The following NUMB variants were observed in gnomAD, a reference collection of about 807,000 sequenced individuals.
The protein encoded by NUMB is NUMB endocytic adaptor protein, also known as protein numb homolog.
Under a neutral mutation model 59.7 loss-of-function variants are expected in NUMB, and 29 were observed. The observed-to-expected ratio is 0.49, with a 90% CI of 0.36 to 0.66. The LOEUF is 0.66. Among genes scored for constraint, NUMB ranks in the 30% least tolerant of loss-of-function variants. The pLI, the probability that NUMB is intolerant of heterozygous loss-of-function variation, is 0.00. For synonymous variants in NUMB, 288 were observed against 288.2 expected (o/e 1.00, Z 0.01); for missense variants, 723 against 822.0 (o/e 0.88, Z 1.47).
intron 1 of NUMB, among the ~76,000 whole-genome samples, chr14:73,440,194 TCCATATATATATATGGATA>T (rs1882923648): frequency 2.4e-5 from 1 of 40,892 alleles, no homozygotes; most frequent in Non-Finnish European, 5.7e-5. Context: ...CAACTAGATA[TCCATATATATATATGGATA>T]TCCATATATA....
chr14:73,327,176 C>G (rs1221769278), intron 4 of NUMB, among the ~76,000 whole-genome samples: 1 of 152,150 alleles, frequency 6.6e-6, no homozygotes, highest in African/African-American at 2.4e-5. Context: ...TCTGAAGACT[C>G]AGTGAAAACA....
At chr14:73,390,080 T>A (rs1895765976) in intron 2 of NUMB, among the ~76,000 whole-genome samples, 2 of 152,194 alleles carry the variant, frequency 1.3e-5, no homozygotes, top group Non-Finnish European at 2.9e-5. Flanking sequence ...AAATATTTGA[T>A]CCAACATTCT....
In NUMB at chr14:73,284,684, G is replaced by A. The variant is rs188283557; in HGVS notation, c.656-310C>T. On this transcript the variant is annotated intron_variant, in intron 9 of 12. Coordinates refer to ENST00000555238, the MANE Select transcript of NUMB (RefSeq NM_001005743.2). ...AGTTCCTATGAATTCCTAATATGTAGTCTTTTAAAGAATGATTCATGATTT... is the reference window on the plus strand; with the variant it reads ...AGTTCCTATGAATTCCTAATATGTAATCTTTTAAAGAATGATTCATGATTT... 3.6e-5 allele frequency: 8 copies of A among 223,390 alleles called. No homozygotes were observed. The Admixed American group carries it at 4.2e-4, about 12-fold the overall frequency. 13.8% of individuals were successfully genotyped at this position (223,390 alleles called of 1,614,324 possible).
chr14:73,319,791 TC>T (rs1035202521), intron 5 of NUMB, among the ~76,000 whole-genome samples: 6 of 152,148 alleles, frequency 3.9e-5, no homozygotes, highest in African/African-American at 1.4e-4. Context: ...CCTAAAGACT[TC>T]CGATTTTCTG....
At chr14:73,395,010 C>T (rs1438697846) in intron 2 of NUMB, among the ~76,000 whole-genome samples, 1 of 136,856 alleles carries the variant, frequency 7.3e-6, no homozygotes, top group Non-Finnish European at 1.5e-5. Flanking sequence ...AAAGGATCTC[C>T]TTTAAGGTTG....
intron 5 of NUMB, chr14:73,322,860 T>A (rs1257305557): frequency 2.6e-5 from 5 of 194,860 alleles, no homozygotes; most frequent in East Asian, 1.2e-4. Flanking sequence ...TAAGAAAAAA[T>A]TTTTGAAATT....
chr14:73,389,980 T>C (rs568156881), intron 2 of NUMB, among the ~76,000 whole-genome samples: 2 of 152,126 alleles, frequency 1.3e-5, no homozygotes, highest in African/African-American at 4.8e-5. Flanking sequence ...CATTATAACA[T>C]AACCCATGTT....
chr14:73,405,054 CAA>C (rs1215689809), intron 2 of NUMB, among the ~76,000 whole-genome samples: 2 of 152,016 alleles, frequency 1.3e-5, no homozygotes, highest in African/African-American at 4.8e-5. Flanking sequence ...AAAATTATTT[CAA>C]AACAAAAAGT....
chr14:73,312,317 C>A (rs1182453416), intron 6 of NUMB, among the ~76,000 whole-genome samples: 1 of 152,064 alleles, frequency 6.6e-6, no homozygotes, highest in Non-Finnish European at 1.5e-5. Flanking sequence ...CACCTGAACC[C>A]AGAAAGCAGA....
At chr14:73,394,027 G>A (rs941282537) in intron 2 of NUMB, among the ~76,000 whole-genome samples, 14 of 152,072 alleles carry the variant, frequency 9.2e-5, no homozygotes, top group African/African-American at 2.2e-4. Context: ...GTGCAATTGC[G>A]CGATCTTGGC....
chr14:73,371,412 G>A (rs1894665041), intron 2 of NUMB, among the ~76,000 whole-genome samples: 1 of 151,926 alleles, frequency 6.6e-6, no homozygotes. Flanking sequence ...GTGCATGCCT[G>A]CAATCCCAGC....
chr14:73,377,945 A>G (rs1895036569), intron 2 of NUMB, among the ~76,000 whole-genome samples: 1 of 151,844 alleles, frequency 6.6e-6, no homozygotes, highest in African/African-American at 2.4e-5. Context: ...CAGCCTGGAG[A>G]TAGATATATA....
intron 2 of NUMB, among the ~76,000 whole-genome samples, chr14:73,385,596 G>A (rs1169352841): frequency 2.8e-5 from 4 of 142,654 alleles, no homozygotes; most frequent in Non-Finnish European, 5.9e-5. Flanking sequence ...CCGCCTCCCA[G>A]GTTCAAGCGA....
intron 6 of NUMB, among the ~76,000 whole-genome samples, chr14:73,303,479 C>T (rs368327764): frequency 6.6e-6 from 1 of 151,976 alleles, no homozygotes; most frequent in East Asian, 1.9e-4. Flanking sequence ...GCTCTGGAGG[C>T]TGTGGCAGGA....
At chr14:73,359,765 T>C (rs1207932539) in intron 3 of NUMB, among the ~76,000 whole-genome samples, 1 of 152,170 alleles carries the variant, frequency 6.6e-6, no homozygotes, top group Non-Finnish European at 1.5e-5. Flanking sequence ...AATAAGCTGT[T>C]AAAAACAGCT....
chr14:73,424,446 T>TA (rs2140157414), intron 1 of NUMB, among the ~76,000 whole-genome samples: 1 of 152,160 alleles, frequency 6.6e-6, no homozygotes, highest in East Asian at 1.9e-4. Flanking sequence ...AATCTTGCCG[T>TA]AACTAAAGTG....
intron 6 of NUMB, among the ~76,000 whole-genome samples, chr14:73,309,756 T>TAATAAA (rs1555370100): frequency 9.4e-4 from 117 of 123,830 alleles, no homozygotes; most frequent in South Asian, 1.4e-3. Flanking sequence ...ATAATAATAA[T>TAATAAA]AAAAATAGGA....
intron 4 of NUMB, among the ~76,000 whole-genome samples, chr14:73,345,096 T>C (rs1892837377): frequency 6.6e-6 from 1 of 152,324 alleles, no homozygotes; most frequent in East Asian, 1.9e-4. Flanking sequence ...GGAATCAACG[T>C]AGATGCCCAT....
intron 4 of NUMB, among the ~76,000 whole-genome samples, chr14:73,331,020 C>G (rs1157654332): frequency 6.6e-6 from 1 of 152,196 alleles, no homozygotes; most frequent in Non-Finnish European, 1.5e-5. Context: ...AGTCCAAAGG[C>G]TGGAGAGCCT....
Sources: gnomAD v4.1 joint callset for allele counts (sites outside exome capture counted in the v4.1 genomes callset) on GRCh38, gnomAD v4.1.1 for gene constraint, MANE v1.5 for transcripts, NCBI Gene and HGNC (gene_info 2026-07-23, HGNC 2026-07-21) for gene names.